Variants in NEK1 observed in about 807,000 individuals in gnomAD.
NEK1 encodes serine/threonine-protein kinase Nek1.
In NEK1, 137 loss-of-function variants were observed where a neutral mutation model predicts 182.1. The observed-to-expected ratio is 0.75, with a 90% confidence interval of 0.65 to 0.87. NEK1 has a LOEUF of 0.87. Ranked by LOEUF, NEK1 falls within the 40% of genes least tolerant of loss-of-function variation. NEK1 has a pLI of 0.00. For missense variants in NEK1, 1,391 were observed against 1,494.4 expected (o/e 0.93, Z 1.14); for synonymous variants, 513 against 492.2 (o/e 1.04, Z -0.56).
At chr4:169,603,868 G>A (rs1296630467) in intron 2 of NEK1, among the ~76,000 whole-genome samples, 2 of 152,072 alleles carry the variant, frequency 1.3e-5, no homozygotes, top group Non-Finnish European at 2.9e-5. Flanking sequence ...ACCACACACA[G>A]CTAATTTTTG....
rs1365548163 is a variant in NEK1 at position 169,393,404 on chromosome 4, A to T, written c.*1106T>A. 1 of 152,202 alleles carries T rather than the reference A, an allele frequency of 6.6e-6. No homozygotes were observed. The highest frequency in any genetic ancestry group is 2.4e-5 in the African/African-American group (1 of 41,460). 9.4% of individuals were successfully genotyped at this position (152,202 alleles called of 1,614,324 possible). A position where few individuals can be genotyped will look rare whatever the true frequency, so the allele number is the denominator to read the frequency against. On this transcript the variant is annotated 3_prime_UTR_variant, in exon 36 of 36. Transcript: ENST00000507142. ...CAACATACTGATAGTGCTGCAAGAT[A>T]AGATTTTATTTTTCAAATTACATAT...
chr4:169,406,432 A>G (rs1482911915), intron 32 of NEK1, among the ~76,000 whole-genome samples, 164 bp downstream of exon 32: 1 of 150,840 alleles, frequency 6.6e-6, no homozygotes, highest in Non-Finnish European at 1.5e-5. Flanking sequence ...CAGCTAGGTG[A>G]CAGAGTGAGA....
intron 18 of NEK1, among the ~76,000 whole-genome samples, chr4:169,540,675 A>T (rs960892536): frequency 1.3e-5 from 2 of 152,106 alleles, no homozygotes; most frequent in Non-Finnish European, 2.9e-5. Flanking sequence ...TCAGTAAAAC[A>T]CTGACCCCGA....
chr4:169,455,114 G>A (rs1455295080), intron 27 of NEK1, among the ~76,000 whole-genome samples: 1 of 152,144 alleles, frequency 6.6e-6, no homozygotes, highest in Non-Finnish European at 1.5e-5. Flanking sequence ...ACTCATAGGT[G>A]GGAACTGAAC....
At chr4:169,416,981 T>C (rs1734649994) in intron 31 of NEK1, among the ~76,000 whole-genome samples, 1 of 152,204 alleles carries the variant, frequency 6.6e-6, no homozygotes, top group Non-Finnish European at 1.5e-5. Flanking sequence ...GCTGAAAAGC[T>C]AACAACTACT....
rs965753362 is a variant in NEK1 at position 169,592,817 on chromosome 4, G to A, written c.313-2008C>T. ...ATTTTAAGTATAAAGATCAAAAACAGTTCTCTAAGGAGTCCGTACAGTGAT... is the reference window on the plus strand; with the variant it reads ...ATTTTAAGTATAAAGATCAAAAACAATTCTCTAAGGAGTCCGTACAGTGAT... On this transcript the variant is annotated intron_variant, in intron 5 of 35. Coordinates refer to ENST00000507142, the MANE Select transcript of NEK1 (RefSeq NM_001199397.3). Among the ~76,000 whole-genome samples, 4 of 151,930 alleles carry A rather than the reference G, an allele frequency of 2.6e-5. No individual in the cohort carries two copies. The East Asian group carries it at 5.8e-4, about 22-fold the overall frequency.
intron 26 of NEK1, among the ~76,000 whole-genome samples, chr4:169,473,128 T>C (rs1321720945): frequency 6.6e-6 from 1 of 150,762 alleles, no homozygotes; most frequent in East Asian, 2.0e-4. Context: ...TAGCCGGGCA[T>C]GGCAGCACGT....
intron 19 of NEK1, among the ~76,000 whole-genome samples, chr4:169,524,461 CAAAAAAA>C (rs953408098): frequency 8.1e-4 from 41 of 50,600 alleles, no homozygotes; most frequent in Non-Finnish European, 1.3e-3. Context: ...AATTCCATCT[CAAAAAAA>C]AAAAAAAAAA....
At chr4:169,445,819 C>T (rs1579688312) in intron 27 of NEK1, among the ~76,000 whole-genome samples, 1 of 146,638 alleles carries the variant, frequency 6.8e-6, no homozygotes, top group Non-Finnish European at 1.5e-5. Context: ...GCACATGCAC[C>T]CACTAAACTT....
intron 19 of NEK1, among the ~76,000 whole-genome samples, chr4:169,532,262 T>G (rs1757794620): frequency 6.6e-6 from 1 of 152,138 alleles, no homozygotes; most frequent in African/African-American, 2.4e-5. Flanking sequence ...ATAAAGCCAA[T>G]TATAAAAAAA....
chr4:169,395,674 T>C (rs563705881), intron 35 of NEK1, among the ~76,000 whole-genome samples: 5 of 152,318 alleles, frequency 3.3e-5, no homozygotes, highest in African/African-American at 1.2e-4. Flanking sequence ...ATCCATAATA[T>C]GTAGAATTAA....
At chr4:169,500,987 A>G (rs1407999879) in intron 23 of NEK1, among the ~76,000 whole-genome samples, 1 of 152,164 alleles carries the variant, frequency 6.6e-6, no homozygotes, top group African/African-American at 2.4e-5. Context: ...ACAAGACCCA[A>G]CCATCTGCTA....
chr4:169,548,234 T>C (rs968231466), intron 18 of NEK1, among the ~76,000 whole-genome samples: 2 of 152,226 alleles, frequency 1.3e-5, no homozygotes, highest in African/African-American at 4.8e-5. Context: ...CTGCTGCAGG[T>C]CTGCTGGAAT....
intron 32 of NEK1, among the ~76,000 whole-genome samples, chr4:169,403,324 T>C (rs941775088): frequency 7.2e-5 from 11 of 152,080 alleles, no homozygotes; most frequent in African/African-American, 2.4e-4. Flanking sequence ...TCCTAGCCCT[T>C]TGGGAGGCTG....
At chr4:169,580,928 G>A in intron 10 of NEK1, 26 bp from the exon 11 acceptor site, 1 of 1,268,646 alleles carries the variant, frequency 7.9e-7, no homozygotes, top group East Asian at 2.7e-5. Flanking sequence ...AAAAAAATTA[G>A]AAAAGATGTT....
intron 26 of NEK1, among the ~76,000 whole-genome samples, chr4:169,475,348 G>C (rs1002390558): frequency 6.6e-6 from 1 of 152,076 alleles, no homozygotes; most frequent in Non-Finnish European, 1.5e-5. Context: ...CTTCCGTAGA[G>C]CACTCAGAAG....
chr4:169,567,052 T>C (rs1277180074), intron 12 of NEK1, among the ~76,000 whole-genome samples: 1 of 151,362 alleles, frequency 6.6e-6, no homozygotes, highest in African/African-American at 2.4e-5. Flanking sequence ...ATTGCACCAC[T>C]GCACTATGGC....
intron 23 of NEK1, among the ~76,000 whole-genome samples, chr4:169,488,099 A>C (rs936204212): frequency 2.4e-4 from 37 of 152,126 alleles, no homozygotes; most frequent in Non-Finnish European, 3.4e-4. Flanking sequence ...ATAGATTGCA[A>C]AAATTTTCTC....
intron 31 of NEK1, among the ~76,000 whole-genome samples, chr4:169,408,376 T>TA (rs1307877696): frequency 6.6e-6 from 1 of 152,206 alleles, no homozygotes; most frequent in Admixed American, 6.5e-5. Context: ...GATAGACTAG[T>TA]AAGTCCCCCC....
Sources: allele counts gnomAD v4.1 joint callset (sites outside exome capture counted in the v4.1 genomes callset), GRCh38; gene constraint gnomAD v4.1.1; transcripts MANE v1.5; gene names NCBI Gene and HGNC (gene_info 2026-07-23, HGNC 2026-07-21).